CSMD1: variants seen among roughly 807,000 people sequenced by gnomAD.
The protein encoded by CSMD1 is CUB and sushi domain-containing protein 1.
A neutral mutation model predicts 417.5 loss-of-function variants in CSMD1; 213 were observed. That is an observed-to-expected ratio of 0.51 (90% confidence interval 0.46 to 0.57). The LOEUF is 0.57. Among genes scored for constraint, CSMD1 ranks in the 20% least tolerant of loss-of-function variants. The pLI is 0.00. For missense variants in CSMD1, 6,923 were observed against 4,529.7 expected (o/e 1.53, Z -15.17); for synonymous variants, 2,862 against 1,736.8 (o/e 1.65, Z -16.11).
chr8:3,578,750 A>G (rs1210029075), intron 9 of CSMD1, among the ~76,000 whole-genome samples: 1 of 152,130 alleles, frequency 6.6e-6, no homozygotes, highest in East Asian at 1.9e-4. Flanking sequence ...GGACTGGACA[A>G]TTTCATAGCA....
At chr8:4,296,280 C>T (rs921246745) in intron 3 of CSMD1, among the ~76,000 whole-genome samples, 1 of 151,854 alleles carries the variant, frequency 6.6e-6, no homozygotes, top group African/African-American at 2.4e-5. Flanking sequence ...TCAGAAGTGC[C>T]CAAGGCAGGA....
intron 1 of CSMD1, among the ~76,000 whole-genome samples, chr8:4,940,251 G>A (rs1168984153): frequency 1.3e-5 from 2 of 152,200 alleles, no homozygotes. Context: ...AACAGAAATA[G>A]TGTGAGCAGT....
At chr8:3,681,399 A>T (rs1181614382) in intron 7 of CSMD1, among the ~76,000 whole-genome samples, 1 of 152,118 alleles carries the variant, frequency 6.6e-6, no homozygotes, top group African/African-American at 2.4e-5. Context: ...CCAATAACAG[A>T]CAAACAGAGA....
chr8:4,676,290 G>C (rs562557195), intron 1 of CSMD1, among the ~76,000 whole-genome samples: 9 of 152,118 alleles, frequency 5.9e-5, no homozygotes, highest in East Asian at 1.9e-4. Context: ...AGATAAATTA[G>C]CCATGTTTCT....
rs1402600162 is a variant in CSMD1, at chr8:2,938,555, T to C, written c.*30A>G. ...ACTGCTTGTCCATCAGAGGTATGGC[T>C]ATGAATCAGTCCTGTTGGGGCACTG... On this transcript the variant is annotated 3_prime_UTR_variant, in exon 70 of 70. Coordinates refer to ENST00000635120, the MANE Select transcript of CSMD1 (RefSeq NM_033225.6). 6.3e-7 allele frequency: 1 copy of C among 1,596,272 alleles called. No individual in the cohort carries two copies.
rs959005524 is a variant in CSMD1, at chr8:3,162,813, A to G, written c.5726-536T>C. Among the ~76,000 whole-genome samples the G allele has an allele frequency of 2.0e-5, 3 of 152,110 alleles. No homozygotes were observed. In the East Asian group the frequency reaches 5.8e-4, roughly 29 times the overall value. ...GGATCTCATGAACAGTCTGTTCTTC[A>G]TTAAACAGAAACAATATTTACAGAA... On this transcript the variant is annotated intron_variant, in intron 37 of 69. Coordinates refer to ENST00000635120, the MANE Select transcript of CSMD1 (RefSeq NM_033225.6).
intron 5 of CSMD1, among the ~76,000 whole-genome samples, chr8:3,777,062 T>C (rs2129061401): frequency 6.6e-6 from 1 of 151,960 alleles, no homozygotes; most frequent in South Asian, 2.1e-4. Context: ...TATATCTGTT[T>C]ACATCTATCA....
At chr8:3,746,385 G>C (rs757420074) in intron 6 of CSMD1, among the ~76,000 whole-genome samples, 1 of 152,182 alleles carries the variant, frequency 6.6e-6, no homozygotes, top group Non-Finnish European at 1.5e-5. Context: ...GGATACCATT[G>C]TTGGCCCCCA....
intron 32 of CSMD1, 82 bp downstream of exon 32, chr8:3,201,530 A>G: frequency 1.5e-6 from 1 of 659,102 alleles, no homozygotes; most frequent in Non-Finnish European, 2.5e-6. Context: ...TCATCAAAAC[A>G]AAGCAAAAGA....
chr8:3,692,032 C>T (rs946999084), intron 7 of CSMD1, among the ~76,000 whole-genome samples: 1 of 152,180 alleles, frequency 6.6e-6, no homozygotes, highest in African/African-American at 2.4e-5. Flanking sequence ...ATCAGCAGAG[C>T]CGTCACTCAG....
intron 1 of CSMD1, among the ~76,000 whole-genome samples, chr8:4,955,000 T>C (rs1451646318): frequency 1.3e-5 from 2 of 152,202 alleles, no homozygotes. Flanking sequence ...GTTTTCAATG[T>C]TCTTTCTTAG....
chr8:3,149,667 G>A (rs11992699), intron 40 of CSMD1, among the ~76,000 whole-genome samples: 1,532 of 152,190 alleles, frequency 0.01, 28 homozygotes, highest in African/African-American at 0.035. Flanking sequence ...TAGTAGAGAC[G>A]GCGTTTCATC....
chr8:4,363,200 A>G (rs1801875319), intron 3 of CSMD1, among the ~76,000 whole-genome samples: 2 of 152,264 alleles, frequency 1.3e-5, no homozygotes, highest in South Asian at 4.1e-4. Context: ...ACCATTTTGT[A>G]TTTGGTGGAT....
intron 5 of CSMD1, among the ~76,000 whole-genome samples, chr8:3,930,408 G>T (rs11777715): frequency 0.054 from 8,150 of 150,504 alleles, 695 homozygotes; most frequent in Middle Eastern, 0.17. Flanking sequence ...GCTTATACTG[G>T]TCCAAGCAAG....
intron 5 of CSMD1, among the ~76,000 whole-genome samples, chr8:3,915,190 A>G (rs570360393): frequency 6.6e-6 from 1 of 152,104 alleles, no homozygotes; most frequent in Admixed American, 6.5e-5. Context: ...AGGACCACCT[A>G]AGGTCAGGAT....
At chr8:3,541,632 G>T (rs1002164412) in intron 10 of CSMD1, among the ~76,000 whole-genome samples, 1 of 149,642 alleles carries the variant, frequency 6.7e-6, no homozygotes, top group Non-Finnish European at 1.5e-5. Flanking sequence ...ACAGGTAGAC[G>T]TTCTTCACTA....
intron 3 of CSMD1, among the ~76,000 whole-genome samples, chr8:4,168,857 T>A (rs1261002952): frequency 1.3e-5 from 2 of 152,122 alleles, no homozygotes; most frequent in Non-Finnish European, 2.9e-5. Context: ...CCACCACAGT[T>A]GCTTTAGACA....
chr8:4,588,703 T>C (rs561932736), intron 2 of CSMD1, among the ~76,000 whole-genome samples: 6 of 151,842 alleles, frequency 4.0e-5, no homozygotes, highest in African/African-American at 1.2e-4. Context: ...AAGAATCGCT[T>C]GAACCCGGGA....
At chr8:4,352,462 T>C (rs1462541254) in intron 3 of CSMD1, among the ~76,000 whole-genome samples, 4 of 152,208 alleles carry the variant, frequency 2.6e-5, no homozygotes. Flanking sequence ...GAATAGAAAG[T>C]GGAAATATTC....
Sources: gnomAD v4.1 joint callset for allele counts (sites outside exome capture counted in the v4.1 genomes callset) on GRCh38, gnomAD v4.1.1 for gene constraint, MANE v1.5 for transcripts, NCBI Gene and HGNC (gene_info 2026-07-23, HGNC 2026-07-21) for gene names.